RBM6: variants seen among roughly 807,000 people sequenced by gnomAD.
The protein encoded by RBM6 is RNA-binding protein 6.
Under a neutral mutation model 140.4 loss-of-function variants are expected in RBM6, and 23 were observed. The ratio of observed to expected loss-of-function variants is 0.16; its 90% CI spans 0.12 to 0.23. The LOEUF (loss-of-function observed/expected upper bound fraction) is 0.23, where lower values mean the gene tolerates loss of function less well. Ranked by LOEUF, RBM6 falls within the 10% of genes least tolerant of loss-of-function variation. The pLI is 1.00. For synonymous variants in RBM6, 439 were observed against 475.6 expected, an observed-to-expected ratio of 0.92 and a Z score of 1.00; for missense variants, 1,139 against 1,386.7, an observed-to-expected ratio of 0.82 and a Z score of 2.84.
intron 15 of RBM6, among the ~76,000 whole-genome samples, chr3:50,064,397 A>G (rs2090047489): frequency 6.6e-6 from 1 of 152,260 alleles, no homozygotes; most frequent in Admixed American, 6.5e-5. Flanking sequence ...AAATTAAGAT[A>G]GTAAAGCTTA....
At chr3:50,000,016 G>T (rs923296033) in intron 6 of RBM6, among the ~76,000 whole-genome samples, 3 of 152,182 alleles carry the variant, frequency 2.0e-5, no homozygotes, top group Non-Finnish European at 4.4e-5. Flanking sequence ...GGAGTGGATT[G>T]TTGGTGTCTA....
chr3:49,997,186 G>T (rs1166145050), intron 5 of RBM6, among the ~76,000 whole-genome samples: 2 of 151,468 alleles, frequency 1.3e-5, no homozygotes, highest in African/African-American at 4.9e-5. Flanking sequence ...TAACGTTTTA[G>T]GCAGTATAGT....
At chr3:49,991,487 G>A (rs1339354340) in intron 5 of RBM6, among the ~76,000 whole-genome samples, 1 of 152,078 alleles carries the variant, frequency 6.6e-6, no homozygotes, top group Non-Finnish European at 1.5e-5. Flanking sequence ...GCTATCTAGG[G>A]GCTTTCCAAG....
rs112459389 is a variant in RBM6 at position 50,017,474 on chromosome 3, C to T, written c.1557+17961C>T. ...GTGGGAGGCTGAGGCAGGAGAATGGCGTGAACCCAGGAGGTGGAGCGTGCA... is the reference window on the plus strand; with the variant it reads ...GTGGGAGGCTGAGGCAGGAGAATGGTGTGAACCCAGGAGGTGGAGCGTGCA... On this transcript the variant is annotated intron_variant, in intron 6 of 20. Transcript: ENST00000266022. 3.6e-3 allele frequency among the ~76,000 whole-genome samples: 537 copies of T among 151,072 alleles called. 3 individuals are homozygous for T. The highest frequency in any genetic ancestry group is 0.012 in the African/African-American group (490 of 41,120).
chr3:49,955,065 A>G (rs939913185), intron 1 of RBM6, among the ~76,000 whole-genome samples: 1 of 151,140 alleles, frequency 6.6e-6, no homozygotes, highest in Non-Finnish European at 1.5e-5. Context: ...GGCCTTGCAC[A>G]TGTTTTTAAA....
chr3:50,031,728 A>G (rs1197249436), intron 6 of RBM6, among the ~76,000 whole-genome samples: 1 of 151,544 alleles, frequency 6.6e-6, no homozygotes, highest in African/African-American at 2.4e-5. Context: ...CTTAAAGTAT[A>G]AAAAAAAAGA....
At chr3:50,036,001 C>T (rs2108839136) in intron 6 of RBM6, among the ~76,000 whole-genome samples, 1 of 152,216 alleles carries the variant, frequency 6.6e-6, no homozygotes, top group Middle Eastern at 3.4e-3. Flanking sequence ...ACCTTGTGAT[C>T]CACCCACCTT....
Position 50,077,237 on chromosome 3 carries a change from T to G in RBM6, c.*104T>G, listed in dbSNP as rs1190031784. On this transcript the variant is annotated 3_prime_UTR_variant, in exon 21 of 21. Coordinates refer to ENST00000266022, the MANE Select transcript of RBM6 (RefSeq NM_005777.3). Reference sequence around the variant, plus strand: ...TGCTAGAACTTTTTTAAATAAACTTTTTTTCAATGTGATTATCTTTTTGTT... The same window carrying G: ...TGCTAGAACTTTTTTAAATAAACTTGTTTTCAATGTGATTATCTTTTTGTT... The G allele has an allele frequency of 7.9e-7, 1 of 1,263,386 alleles. No homozygotes were observed. Among genetic ancestry groups the G allele is most frequent in the Non-Finnish European group, 1.1e-6 (1 of 940,320 alleles). The allele number at this position is 1,263,386 out of a possible 1,614,324, so 78.3% of individuals were successfully genotyped here. A position where few individuals can be genotyped will look rare whatever the true frequency, so the allele number is the denominator to read the frequency against.
intron 10 of RBM6, 134 bp downstream of exon 10, chr3:50,058,696 C>T (rs2089815144): frequency 4.7e-6 from 4 of 846,794 alleles, no homozygotes; most frequent in Admixed American, 4.8e-5. Flanking sequence ...GGGTGGATCA[C>T]GAGGTCAGGA....
intron 4 of RBM6, among the ~76,000 whole-genome samples, 182 bp from the exon 5 acceptor site, chr3:49,975,141 T>G (rs1050604462): frequency 1.3e-5 from 2 of 152,156 alleles, no homozygotes; most frequent in African/African-American, 4.8e-5. Context: ...ATCCCACCAA[T>G]TTTTGAATAA....
chr3:49,942,560 A>G (rs1187983002), intron 1 of RBM6, among the ~76,000 whole-genome samples: 1 of 150,898 alleles, frequency 6.6e-6, no homozygotes, highest in East Asian at 2.0e-4. Flanking sequence ...TAGTACAAGC[A>G]ATACCACTAT....
chr3:50,053,584 C>A (rs554242779), intron 7 of RBM6, among the ~76,000 whole-genome samples: 6 of 152,182 alleles, frequency 3.9e-5, no homozygotes, highest in Admixed American at 3.9e-4. Context: ...ATTGTTTTCT[C>A]CTCAACTCCA....
At chr3:50,069,262 C>T (rs2090216781) in intron 18 of RBM6, among the ~76,000 whole-genome samples, 1 of 152,088 alleles carries the variant, frequency 6.6e-6, no homozygotes, top group African/African-American at 2.4e-5. Context: ...CCTATAATCC[C>T]AGTACTTTGG....
chr3:49,991,947 A>ATTTTAT (rs370135343), intron 5 of RBM6, among the ~76,000 whole-genome samples: 25 of 137,026 alleles, frequency 1.8e-4, no homozygotes, highest in East Asian at 1.6e-3. Flanking sequence ...ATTTTATTTT[A>ATTTTAT]TTTATTTATT....
At chr3:49,984,138 A>G (rs1466695315) in intron 5 of RBM6, among the ~76,000 whole-genome samples, 2 of 152,138 alleles carry the variant, frequency 1.3e-5, no homozygotes, top group Non-Finnish European at 2.9e-5. Flanking sequence ...CAAAAAAAAT[A>G]CAAAAAAAAT....
At position 50,042,952 on chromosome 3, in the gene RBM6, C is replaced by T. The variant is rs1366194938; in HGVS notation, c.1558-5293C>T. ...AGCCCTCCAGACCCAGAGTTTGCTC[C>T]TCTGTGGTGTCTCTAGGTGGAGAAT... On this transcript the variant is annotated intron_variant, in intron 6 of 20. Coordinates refer to ENST00000266022, the MANE Select transcript of RBM6 (RefSeq NM_005777.3). Among the ~76,000 whole-genome samples, 6 of 152,176 alleles carry T rather than the reference C, an allele frequency of 3.9e-5. No homozygotes were observed. The South Asian group carries it at 1.0e-3, about 26-fold the overall frequency.
At chr3:49,975,600 TC>T (rs1390121499) in intron 5 of RBM6, among the ~76,000 whole-genome samples, 1 of 152,260 alleles carries the variant, frequency 6.6e-6, no homozygotes, top group Non-Finnish European at 1.5e-5. Context: ...GGATGCATGT[TC>T]CAGTTCTTCT....
At chr3:50,044,632 A>C (rs1231013673) in intron 6 of RBM6, among the ~76,000 whole-genome samples, 1 of 152,032 alleles carries the variant, frequency 6.6e-6, no homozygotes, top group East Asian at 1.9e-4. Context: ...GCATCATCCT[A>C]CCCATTCATT....
rs1175202470 is a variant in RBM6, at chr3:50,010,111, TCCTGACCTCAGGCAATCCA to T, written c.1557+10601_1557+10619del. On this transcript the variant is annotated intron_variant, in intron 6 of 20. Transcript: ENST00000266022. ...CATGTTGGCCAGGCTGCTCTCGAAC[TCCTGACCTCAGGCAATCCA>T]CCCGTCTCGGCCTCCCAAAGTGCTG... Among the ~76,000 whole-genome samples the T allele has an allele frequency of 6.8e-4, 103 of 152,050 alleles. 1 individual carries two copies. The highest frequency in any genetic ancestry group is 1.6e-4 in the Non-Finnish European group (11 of 67,996).
Sources: allele counts gnomAD v4.1 joint callset (sites outside exome capture counted in the v4.1 genomes callset), GRCh38; gene constraint gnomAD v4.1.1; transcripts MANE v1.5; gene names NCBI Gene and HGNC (gene_info 2026-07-23, HGNC 2026-07-21).